Variants in GABBR2 observed in about 807,000 individuals in gnomAD.
The protein encoded by GABBR2 is gamma-aminobutyric acid type B receptor subunit 2.
GABBR2 carries 23 observed loss-of-function variants against 105.6 expected under a neutral mutation model. The ratio of observed to expected loss-of-function variants is 0.22; its 90% CI spans 0.16 to 0.31. GABBR2 has a LOEUF of 0.31. Among genes scored for constraint, GABBR2 ranks in the 10% least tolerant of loss-of-function variants. GABBR2 has a pLI of 1.00. For synonymous variants in GABBR2, 478 were observed against 499.7 expected, an observed-to-expected ratio of 0.96 and a Z score of 0.58; for missense variants, 734 against 1,245.5, an observed-to-expected ratio of 0.59 and a Z score of 6.18.
chr9:98,511,558 A>G lies in GABBR2; in HGVS notation c.631-15044T>C, dbSNP rs552427460. Among the ~76,000 whole-genome samples the G allele has an allele frequency of 6.6e-5, 10 of 151,836 alleles. No individual in the cohort carries two copies. The South Asian group carries it at 2.1e-3, about 32-fold the overall frequency. ...GAGAAGAATCAAATAGACACAATAA[A>G]AAATGATAAAGGGGATATCACCACC... On this transcript the variant is annotated intron_variant, in intron 3 of 18. Transcript: ENST00000259455.
chr9:98,609,095 T>G (rs144070033), intron 1 of GABBR2, among the ~76,000 whole-genome samples: 1,817 of 152,362 alleles, frequency 0.012, 34 homozygotes, highest in African/African-American at 0.042. Context: ...CTGTATTTTT[T>G]GTTTGTATTG....
intron 1 of GABBR2, among the ~76,000 whole-genome samples, chr9:98,657,880 G>GCTTC (rs1830204248): frequency 6.6e-6 from 1 of 152,242 alleles, no homozygotes; most frequent in Non-Finnish European, 1.5e-5. Flanking sequence ...GAAGATACCT[G>GCTTC]CTTCTCCTTT....
chr9:98,433,258 G>T (rs1239815778), intron 7 of GABBR2, among the ~76,000 whole-genome samples: 1 of 152,174 alleles, frequency 6.6e-6, no homozygotes, highest in East Asian at 1.9e-4. Flanking sequence ...CTGTCACTAC[G>T]TATGGCTTAT....
At chr9:98,517,775 T>G (rs1260796641) in intron 3 of GABBR2, among the ~76,000 whole-genome samples, 1 of 152,190 alleles carries the variant, frequency 6.6e-6, no homozygotes, top group African/African-American at 2.4e-5. Flanking sequence ...TCCTCTAACT[T>G]CCAGCTGGGC....
At chr9:98,594,810 TA>T (rs1829208778) in intron 1 of GABBR2, among the ~76,000 whole-genome samples, 1 of 152,208 alleles carries the variant, frequency 6.6e-6, no homozygotes, top group East Asian at 1.9e-4. Flanking sequence ...TGGGAAGCCC[TA>T]ACCATGGCAC....
intron 1 of GABBR2, among the ~76,000 whole-genome samples, chr9:98,598,581 AAG>A (rs1829272584): frequency 7.3e-6 from 1 of 137,640 alleles, no homozygotes; most frequent in African/African-American, 2.5e-5. Context: ...AGGAAAGAAG[AAG>A]AAAAAAAAAA....
At chr9:98,619,035 G>A (rs1389672144) in intron 1 of GABBR2, among the ~76,000 whole-genome samples, 1 of 152,124 alleles carries the variant, frequency 6.6e-6, no homozygotes, top group Non-Finnish European at 1.5e-5. Flanking sequence ...GTGAAGTGAA[G>A]TGTTCTAAGA....
At chr9:98,696,154 T>C (rs1440888657) in intron 1 of GABBR2, among the ~76,000 whole-genome samples, 2 of 152,214 alleles carry the variant, frequency 1.3e-5, no homozygotes, top group Admixed American at 1.3e-4. Context: ...TAGTGGATTT[T>C]GCCTAATCGG....
intron 13 of GABBR2, among the ~76,000 whole-genome samples, chr9:98,362,373 A>G (rs953943565): frequency 6.6e-6 from 1 of 152,248 alleles, no homozygotes; most frequent in African/African-American, 2.4e-5. Flanking sequence ...ACACACTAGT[A>G]GCACTTTTTA....
chr9:98,421,805 CTT>C (rs1184432005), intron 7 of GABBR2, among the ~76,000 whole-genome samples: 1 of 152,152 alleles, frequency 6.6e-6, no homozygotes, highest in Non-Finnish European at 1.5e-5. Flanking sequence ...GAAAGCAAAA[CTT>C]ATGCCAAAAT....
intron 13 of GABBR2, among the ~76,000 whole-genome samples, chr9:98,324,659 C>T (rs7020190): frequency 0.51 from 77,377 of 152,008 alleles, 20,193 homozygotes; most frequent in East Asian, 0.76. Context: ...AAACAGGATG[C>T]GTAATGGCTG....
intron 11 of GABBR2, among the ~76,000 whole-genome samples, chr9:98,384,810 C>G (rs903267230): frequency 6.6e-6 from 1 of 151,714 alleles, no homozygotes; most frequent in Admixed American, 6.6e-5. Flanking sequence ...CTCTTTTTTA[C>G]GTATAAACCA....
At chr9:98,622,433 T>G (rs2131822377) in intron 1 of GABBR2, among the ~76,000 whole-genome samples, 1 of 152,286 alleles carries the variant, frequency 6.6e-6, no homozygotes, top group East Asian at 1.9e-4. Context: ...CCCAAAGTGC[T>G]AACGCCCATA....
chr9:98,582,277 T>G (rs752033165), intron 1 of GABBR2, among the ~76,000 whole-genome samples: 1 of 152,220 alleles, frequency 6.6e-6, no homozygotes, highest in Non-Finnish European at 1.5e-5. Context: ...AAGCATGAGA[T>G]GGATTTGATA....
At position 98,371,649 on chromosome 9, in the gene GABBR2, G is replaced by A. The variant is rs10986039; in HGVS notation, c.1663-78C>T. ...CATCAGGTATGAGTCCACCCTGCAA[G>A]GGGACTCTTTATGATGGGGACAAAT... On this transcript the variant is annotated intron_variant, in intron 11 of 18. Transcript: ENST00000259455. The A allele has an allele frequency of 0.036, 27,663 of 776,494 alleles. 998 individuals carry two copies. Among genetic ancestry groups the A allele is most frequent in the East Asian group, 0.12 (4,875 of 39,748 alleles). 48.1% of individuals were successfully genotyped at this position (776,494 alleles called of 1,614,324 possible). A position where few individuals can be genotyped will look rare whatever the true frequency, so the allele number is the denominator to read the frequency against.
chr9:98,324,560 AC>A (rs1830886918), intron 13 of GABBR2, among the ~76,000 whole-genome samples: 1 of 150,872 alleles, frequency 6.6e-6, no homozygotes, highest in African/African-American at 2.4e-5. Flanking sequence ...GCATTCCAGA[AC>A]AATATACTCA....
rs1265320105 is a variant in GABBR2, at chr9:98,297,927, G to A, written c.2542+1297C>T. Among the ~76,000 whole-genome samples the A allele has an allele frequency of 3.3e-5, 5 of 151,188 alleles. No homozygotes were observed. In the South Asian group the frequency reaches 1.0e-3, roughly 32 times the overall value. On this transcript the variant is annotated intron_variant, in intron 17 of 18. Transcript: ENST00000259455. ...TAATCCCAGCTACTAAGGAGGCTGA[G>A]GTAGGAGAATTGCTTGAACAATTCT...
At chr9:98,393,889 T>C (rs190491915) in intron 9 of GABBR2, among the ~76,000 whole-genome samples, 67 of 152,298 alleles carry the variant, frequency 4.4e-4, no homozygotes, top group Admixed American at 1.8e-3. Context: ...GAGGAGAAGA[T>C]AGACCTAAAT....
chr9:98,611,587 G>T (rs11788000), intron 1 of GABBR2, among the ~76,000 whole-genome samples: 2 of 151,982 alleles, frequency 1.3e-5, no homozygotes, highest in Non-Finnish European at 2.9e-5. Flanking sequence ...AACCTTGTAG[G>T]CCCAGGAAAA....
Sources: allele counts gnomAD v4.1 joint callset (sites outside exome capture counted in the v4.1 genomes callset), GRCh38; gene constraint gnomAD v4.1.1; transcripts MANE v1.5; gene names NCBI Gene and HGNC (gene_info 2026-07-23, HGNC 2026-07-21).